STIM1: variants seen among roughly 807,000 people sequenced by gnomAD.
STIM1 encodes the protein stromal interaction molecule 1.
A neutral mutation model predicts 74.7 loss-of-function variants in STIM1; 25 were observed. The observed-to-expected ratio is 0.33, with a 90% CI of 0.24 to 0.47. STIM1 has a LOEUF of 0.47. STIM1 is among the 20% of genes least tolerant of loss of function. STIM1 has a pLI of 1.00. For synonymous variants in STIM1, 328 were observed against 348.8 expected (o/e 0.94, Z 0.66); for missense variants, 728 against 920.8 (o/e 0.79, Z 2.71).
chr11:3,990,828 A>G (rs1029158551), intron 2 of STIM1, among the ~76,000 whole-genome samples: 6 of 152,028 alleles, frequency 3.9e-5, no homozygotes, highest in African/African-American at 1.5e-4. Flanking sequence ...TCTTCATTTT[A>G]TATTCACGGG....
chr11:3,942,092 A>G (rs961401470), intron 1 of STIM1, among the ~76,000 whole-genome samples: 1 of 152,254 alleles, frequency 6.6e-6, no homozygotes, highest in South Asian at 2.1e-4. Context: ...TGTAAAAGGC[A>G]GGAAGATCTC....
chr11:3,987,894 CCT>C (rs1283375420), intron 2 of STIM1, among the ~76,000 whole-genome samples: 1 of 152,040 alleles, frequency 6.6e-6, no homozygotes, highest in East Asian at 1.9e-4. Flanking sequence ...CTAAATCCCC[CCT>C]CTTAGAGTTG....
At chr11:3,929,980 A>T (rs925731304) in intron 1 of STIM1, among the ~76,000 whole-genome samples, 4 of 152,156 alleles carry the variant, frequency 2.6e-5, no homozygotes, top group African/African-American at 9.7e-5. Context: ...TGCCCGGACA[A>T]CTGGACAGAG....
chr11:3,860,780 T>A (rs1041485356), intron 1 of STIM1, among the ~76,000 whole-genome samples: 26 of 152,320 alleles, frequency 1.7e-4, no homozygotes, highest in Non-Finnish European at 2.9e-4. Flanking sequence ...TTAACTTAAA[T>A]CAGTTTTTCA....
chr11:3,968,230 A>G (rs2093358467), intron 2 of STIM1, among the ~76,000 whole-genome samples: 1 of 152,196 alleles, frequency 6.6e-6, no homozygotes, highest in Non-Finnish European at 1.5e-5. Flanking sequence ...AAATGGAAAA[A>G]AGCTCTATTG....
At chr11:4,002,462 C>T (rs956481384) in intron 2 of STIM1, among the ~76,000 whole-genome samples, 2 of 151,952 alleles carry the variant, frequency 1.3e-5, no homozygotes, top group Admixed American at 1.3e-4. Flanking sequence ...TACATGGAAA[C>T]TGAACAACCT....
At chr11:3,956,022 GAA>G (rs57545786) in intron 1 of STIM1, among the ~76,000 whole-genome samples, 12 of 123,356 alleles carry the variant, frequency 9.7e-5, no homozygotes, top group African/African-American at 2.9e-4. Context: ...TGAAGTTATA[GAA>G]AAAAAAAAAA....
intron 2 of STIM1, among the ~76,000 whole-genome samples, chr11:3,994,702 C>A (rs1256995076): frequency 6.6e-6 from 1 of 152,068 alleles, no homozygotes; most frequent in African/African-American, 2.4e-5. Context: ...CCAAGCAATC[C>A]ACCCACTTTG....
At position 4,082,994 on chromosome 11, in the gene STIM1, C is replaced by T. The variant is rs2094473254; in HGVS notation, c.1238+12C>T. The T allele has an allele frequency of 5.0e-6, 8 of 1,600,298 alleles. No individual in the cohort carries two copies. Among genetic ancestry groups the T allele is most frequent in the Non-Finnish European group, 6.0e-6 (7 of 1,167,636 alleles). ...ATTCTAACAGCTAAGTAAGTAACAC[C>T]AGTTATCTACTCTGGCAATGTCCAT... is the stretch of plus-strand genomic sequence containing the variant. On this transcript the variant is annotated intron_variant, in intron 9 of 12. Transcript: ENST00000526596.
rs1034148589 is a variant in STIM1, at chr11:3,956,645, A to G, written c.140-10907A>G. ...TAAGAAGACAGCCCAGAATTTAGAA[A>G]AAAATTCTGACATTTAGAATTTATG... On this transcript the variant is annotated intron_variant, in intron 1 of 12. Transcript: ENST00000526596. 2.6e-5 allele frequency among the ~76,000 whole-genome samples: 4 copies of G among 152,108 alleles called. No homozygotes were observed. The East Asian group carries it at 7.7e-4, about 29-fold the overall frequency.
At chr11:3,895,703 T>C (rs191468163) in intron 1 of STIM1, among the ~76,000 whole-genome samples, 2,537 of 32,186 alleles carry the variant, frequency 0.079, 198 homozygotes, top group East Asian at 0.13. Flanking sequence ...TCTTTCTTTC[T>C]TTCTTTCTTT....
intron 3 of STIM1, among the ~76,000 whole-genome samples, chr11:4,045,544 G>A (rs953978897): frequency 4.0e-5 from 6 of 151,220 alleles, no homozygotes; most frequent in Non-Finnish European, 7.4e-5. Flanking sequence ...CTGCCTTCCA[G>A]GCTTACGTGA....
At chr11:4,028,339 C>T (rs918586965) in intron 3 of STIM1, among the ~76,000 whole-genome samples, 1 of 152,078 alleles carries the variant, frequency 6.6e-6, no homozygotes, top group Non-Finnish European at 1.5e-5. Flanking sequence ...GCCTCAGCCT[C>T]CTAAAATGCT....
chr11:3,856,524 A>G, intron 1 of STIM1, 115 bp downstream of exon 1: 2 of 1,288,692 alleles, frequency 1.6e-6, no homozygotes, highest in East Asian at 2.4e-5. Context: ...GAGGATTCAC[A>G]CATGGCACTG....
chr11:4,047,482 G>A (rs1032525073), intron 3 of STIM1, among the ~76,000 whole-genome samples: 1 of 152,064 alleles, frequency 6.6e-6, no homozygotes, highest in Admixed American at 6.6e-5. Flanking sequence ...TGGGTGTGGC[G>A]GCATGTGTCT....
chr11:4,038,569 A>T (rs1463671473), intron 3 of STIM1, among the ~76,000 whole-genome samples: 1 of 152,098 alleles, frequency 6.6e-6, no homozygotes, highest in Non-Finnish European at 1.5e-5. Context: ...CTCAAGAGTC[A>T]TTGTCCTTTG....
chr11:3,869,882 G>T (rs965531240), intron 1 of STIM1, among the ~76,000 whole-genome samples: 2 of 152,182 alleles, frequency 1.3e-5, no homozygotes, highest in African/African-American at 4.8e-5. Flanking sequence ...GGTAAAATCA[G>T]TAGGACTCAG....
chr11:3,903,765 A>G (rs556930807), intron 1 of STIM1, among the ~76,000 whole-genome samples: 1 of 152,234 alleles, frequency 6.6e-6, no homozygotes, highest in South Asian at 2.1e-4. Flanking sequence ...TTATCTTGAG[A>G]GGCTGGGCAA....
At chr11:3,982,535 C>G (rs1166122102) in intron 2 of STIM1, among the ~76,000 whole-genome samples, 3 of 152,156 alleles carry the variant, frequency 2.0e-5, no homozygotes, top group Non-Finnish European at 4.4e-5. Context: ...GCTGTGTACT[C>G]TTGCATATGC....
Sources: allele counts gnomAD v4.1 joint callset (sites outside exome capture counted in the v4.1 genomes callset), GRCh38; gene constraint gnomAD v4.1.1; transcripts MANE v1.5; gene names NCBI Gene and HGNC (gene_info 2026-07-23, HGNC 2026-07-21).